Variants in ABCC3 observed in about 807,000 individuals in gnomAD.
ABCC3 encodes the protein ATP binding cassette subfamily C member 3.
Under a neutral mutation model 165.3 loss-of-function variants are expected in ABCC3, and 121 were observed. The observed-to-expected ratio is 0.73, with a 90% CI of 0.63 to 0.85. ABCC3 has a LOEUF of 0.85. Among genes scored for constraint, ABCC3 ranks in the 40% least tolerant of loss-of-function variants. The probability of loss-of-function intolerance (pLI) is 0.00; values close to 1 mark genes in which losing one functional copy is unlikely to be tolerated. For missense variants in ABCC3, 1,869 were observed against 1,964.1 expected, an observed-to-expected ratio of 0.95 and a Z score of 0.92; for synonymous variants, 733 against 810.1, an observed-to-expected ratio of 0.90 and a Z score of 1.62.
intron 10 of ABCC3, 118 bp downstream of exon 10, chr17:50,664,229 G>T: frequency 7.1e-7 from 1 of 1,399,906 alleles, no homozygotes. Context: ...TGCTCAGGCG[G>T]CTGAGGCAAG....
chr17:50,673,224 G>A, intron 18 of ABCC3, 86 bp downstream of exon 18: 1 of 1,538,674 alleles, frequency 6.5e-7, no homozygotes, highest in South Asian at 1.2e-5. Flanking sequence ...GTTTGGATGA[G>A]ACTTGGAGGT....
chr17:50,689,844 G>C (rs1193792022), intron 30 of ABCC3, among the ~76,000 whole-genome samples: 1 of 152,212 alleles, frequency 6.6e-6, no homozygotes, highest in Non-Finnish European at 1.5e-5. Context: ...AACCAAAACT[G>C]TTTCATTCAC....
intron 26 of ABCC3, among the ~76,000 whole-genome samples, chr17:50,681,067 C>T (rs879802446): frequency 2.0e-5 from 3 of 151,024 alleles, no homozygotes; most frequent in Non-Finnish European, 4.4e-5. Flanking sequence ...CAGAGTGAGA[C>T]TCTGTCTAAA....
Position 50,676,455 on chromosome 17 carries a change from T to C in ABCC3, c.3245T>C (p.Val1082Ala). ...AAGGACATCTATGTCGTTGATGAGG[T>C]TCTGGCCCCTGTCATCCTCATGCTG... ...FSKDIYVVDE[V>A]LAPVILMLLN... The change falls in exon 23 of 31, where the codon GTT becomes GCT. Residue 1082 changes from valine (V) to alanine (A), a missense_variant. Coordinates refer to ENST00000285238, the MANE Select transcript of ABCC3 (RefSeq NM_003786.4). 6.8e-6 allele frequency: 11 copies of C among 1,614,198 alleles called. No homozygotes were observed. Among genetic ancestry groups the C allele is most frequent in the Non-Finnish European group, 9.3e-6 (11 of 1,180,034 alleles).
In ABCC3 at chr17:50,664,238, A is replaced by G. The variant is rs554896681; in HGVS notation, c.1338+127A>G. On this transcript the variant is annotated intron_variant, in intron 10 of 30. Coordinates refer to ENST00000285238, the MANE Select transcript of ABCC3 (RefSeq NM_003786.4). The stretch of plus-strand genomic sequence containing the variant: ...CCCAGCTGCTCAGGCGGCTGAGGCA[A>G]GAGGATCACTTGAGCCCAAGAGTTC... 2.5e-4 allele frequency: 337 copies of G among 1,327,454 alleles called. 4 individuals carry two copies. The South Asian group carries it at 4.4e-3, about 17-fold the overall frequency. 82.2% of individuals were successfully genotyped at this position (1,327,454 alleles called of 1,614,324 possible). A position where few individuals can be genotyped will look rare whatever the true frequency, so the allele number is the denominator to read the frequency against.
intron 11 of ABCC3, among the ~76,000 whole-genome samples, chr17:50,665,957 AC>A (rs1435271375): frequency 4.8e-5 from 7 of 147,098 alleles, no homozygotes; most frequent in African/African-American, 1.8e-4. Context: ...AAAATGACAA[AC>A]CCCCTAAGAA....
chr17:50,653,302 C>G (rs1281203977), intron 1 of ABCC3, among the ~76,000 whole-genome samples: 1 of 142,724 alleles, frequency 7.0e-6, no homozygotes, highest in African/African-American at 2.7e-5. Flanking sequence ...ACCGAGATCA[C>G]GCCATTACAC....
intron 1 of ABCC3, among the ~76,000 whole-genome samples, chr17:50,645,737 C>T (rs1966992700): frequency 6.6e-6 from 1 of 152,104 alleles, no homozygotes; most frequent in African/African-American, 2.4e-5. Flanking sequence ...GTAACTGGGA[C>T]TACAGGTGCC....
intron 26 of ABCC3, 23 bp downstream of exon 26, chr17:50,679,922 G>C: frequency 6.3e-7 from 1 of 1,594,078 alleles, no homozygotes; most frequent in African/African-American, 1.3e-5. Flanking sequence ...ATGAGCCCGG[G>C]ACAGGGGGAA....
At position 50,669,427 on chromosome 17, in the gene ABCC3, G is replaced by A; in HGVS notation, c.2140G>A (p.Ala714Thr). The A allele has an allele frequency of 6.2e-7, 1 of 1,614,248 alleles. No homozygotes were observed. Among genetic ancestry groups the A allele is most frequent in the East Asian group, 2.2e-5 (1 of 44,890 alleles). ...TLQENVLFGK[A>T]LNPKRYQQTL... ...TCAGGAAAACGTGCTTTTCGGCAAA[G>A]CCCTGAACCCCAAGCGCTACCAGCA... The change falls in exon 17 of 31, where the codon GCC becomes ACC. Residue 714 changes from alanine to threonine, a missense_variant. Ala to Thr is a moderately conservative substitution (Grantham distance 58). Transcript: ENST00000285238.
In ABCC3 at chr17:50,675,728, A is replaced by G. The variant is rs1359745351; in HGVS notation, c.2812A>G (p.Lys938Glu). 1.1e-5 allele frequency: 17 copies of G among 1,564,180 alleles called. No individual in the cohort carries two copies. The highest frequency in any genetic ancestry group is 1.7e-4 in the Middle Eastern group (1 of 6,006). ...PSEKVQVTEA[K>E]ADGALTQEEK... is the part of the protein sequence containing the mutation. Reference sequence around the variant, plus strand: ...AGAGAAGGTGCAGGTGACAGAGGCGAAGGCAGATGGGGCACTGACCCAGGA... The same window carrying G: ...AGAGAAGGTGCAGGTGACAGAGGCGGAGGCAGATGGGGCACTGACCCAGGA... The change falls in exon 21 of 31, where the codon AAG (lysine) becomes GAG (glutamate). Residue 938 changes from lysine to glutamate, a missense_variant. Transcript: ENST00000285238.
intron 1 of ABCC3, among the ~76,000 whole-genome samples, chr17:50,641,667 C>T (rs929258399): frequency 6.6e-6 from 1 of 152,198 alleles, no homozygotes; most frequent in East Asian, 1.9e-4. Context: ...CTCTAAGCAA[C>T]AGGAAATACC....
chr17:50,634,992 G>T lies in ABCC3; in HGVS notation c.45+11G>T. ...GGCTCCAAGTTCTGGGTAAGGCGCG[G>T]GGCTCCGGGGTCACTGCGCGGGGGC... On this transcript the variant is annotated intron_variant, in intron 1 of 30. Transcript: ENST00000285238. 8.0e-7 allele frequency: 1 copy of T among 1,256,698 alleles called. No individual in the cohort carries two copies. 77.8% of individuals were successfully genotyped at this position (1,256,698 alleles called of 1,614,324 possible). A position where few individuals can be genotyped will look rare whatever the true frequency, so the allele number is the denominator to read the frequency against.
intron 29 of ABCC3, among the ~76,000 whole-genome samples, chr17:50,687,019 A>C (rs1385025922): frequency 6.6e-6 from 1 of 152,138 alleles, no homozygotes; most frequent in East Asian, 1.9e-4. Flanking sequence ...AGACACAAAG[A>C]GTCCCCGGGT....
intron 29 of ABCC3, among the ~76,000 whole-genome samples, chr17:50,686,366 T>G (rs1968021770): frequency 6.6e-6 from 1 of 152,180 alleles, no homozygotes; most frequent in African/African-American, 2.4e-5. Flanking sequence ...GGACTCTGGC[T>G]CTGTCCCAAA....
intron 1 of ABCC3, among the ~76,000 whole-genome samples, chr17:50,644,260 A>G (rs4423464): frequency 0.67 from 94,830 of 142,124 alleles, 32,019 homozygotes; most frequent in Non-Finnish European, 0.72. Context: ...GCAGTGAGCC[A>G]AGGTCACACC....
intron 1 of ABCC3, among the ~76,000 whole-genome samples, chr17:50,642,501 G>A (rs780032442): frequency 2.6e-5 from 4 of 152,198 alleles, no homozygotes; most frequent in Non-Finnish European, 4.4e-5. Flanking sequence ...CCTGACAGCT[G>A]GAGGCTCCAT....
intron 23 of ABCC3, 137 bp downstream of exon 23, chr17:50,676,725 T>A (rs1359937552): frequency 3.6e-6 from 3 of 833,548 alleles, no homozygotes; most frequent in Middle Eastern, 3.6e-4. Context: ...TGCTTAACAT[T>A]TATGTTAGGG....
In ABCC3 at chr17:50,684,757, G is replaced by A. The variant is rs751830191; in HGVS notation, c.4162G>A (p.Gly1388Ser). The change falls in exon 29 of 31, where the codon GGC (glycine) becomes AGC (serine). Residue 1388 changes from glycine (G) to serine (S), a missense_variant. Gly to Ser is a moderately conservative substitution (Grantham distance 56). Coordinates refer to ENST00000285238, the MANE Select transcript of ABCC3 (RefSeq NM_003786.4). ...CCTGCGCATGAACCTGGACCCCTTC[G>A]GCAGCTACTCAGAGGAGGACATTTG... The part of the protein sequence containing the change: ...GTLRMNLDPF[G>S]SYSEEDIWWA... 1.4e-5 allele frequency: 23 copies of A among 1,613,988 alleles called. No individual in the cohort carries two copies. Among genetic ancestry groups the A allele is most frequent in the South Asian group, 1.1e-4 (10 of 91,084 alleles).
Sources: allele counts gnomAD v4.1 joint callset (sites outside exome capture counted in the v4.1 genomes callset), GRCh38; gene constraint gnomAD v4.1.1; transcripts MANE v1.5; gene names NCBI Gene and HGNC (gene_info 2026-07-23, HGNC 2026-07-21).